DOK5: variants seen among roughly 807,000 people sequenced by gnomAD.
DOK5 encodes downstream of tyrosine kinase 5.
A neutral mutation model predicts 43.3 loss-of-function variants in DOK5; 27 were observed. That is an observed-to-expected ratio of 0.62 (90% CI 0.46 to 0.86). DOK5 has a LOEUF of 0.86. Among genes scored for constraint, DOK5 ranks in the 40% least tolerant of loss-of-function variants. DOK5 has a pLI of 0.00. For missense variants in DOK5, 373 were observed against 392.9 expected (o/e 0.95, Z 0.43); for synonymous variants, 146 against 140.1 (o/e 1.04, Z -0.30).
chr20:54,496,440 T>C (rs183028131), intron 1 of DOK5, among the ~76,000 whole-genome samples: 34 of 152,246 alleles, frequency 2.2e-4, no homozygotes, highest in South Asian at 6.2e-4. Flanking sequence ...GCATATTGGA[T>C]GAATAACATC....
intron 2 of DOK5, among the ~76,000 whole-genome samples, chr20:54,564,857 A>T (rs757986495): frequency 8.5e-5 from 13 of 152,178 alleles, no homozygotes; most frequent in Non-Finnish European, 5.9e-5. Context: ...CATTGCCAAT[A>T]CCCTGGTCTC....
At chr20:54,512,728 G>T (rs1430347042) in intron 1 of DOK5, among the ~76,000 whole-genome samples, 2 of 152,170 alleles carry the variant, frequency 1.3e-5, no homozygotes, top group Admixed American at 1.3e-4. Flanking sequence ...CATTTCAATG[G>T]TGTATATTAG....
chr20:54,543,742 C>T (rs1325018834), intron 1 of DOK5, among the ~76,000 whole-genome samples: 3 of 152,092 alleles, frequency 2.0e-5, no homozygotes, highest in Admixed American at 6.6e-5. Context: ...AAAGCAGGGG[C>T]AACCTCCTTT....
At position 54,576,375 on chromosome 20, in the gene DOK5, C is replaced by G. The variant is rs143694630; in HGVS notation, c.175-12108C>G. ...TATATCTTCAACTGCAAAGATGAAT[C>G]TCACAGACATGATATTGGACGAATG... is the stretch of plus-strand genomic sequence containing the variant. On this transcript the variant is annotated intron_variant, in intron 2 of 7. Coordinates refer to ENST00000262593, the MANE Select transcript of DOK5 (RefSeq NM_018431.5). Among the ~76,000 whole-genome samples the G allele has an allele frequency of 9.1e-3, 1,392 of 152,236 alleles. 14 individuals are homozygous for G. Among genetic ancestry groups the G allele is most frequent in the Middle Eastern group, 0.048 (14 of 294 alleles).
intron 1 of DOK5, among the ~76,000 whole-genome samples, chr20:54,480,944 T>TATCTATCATCTATCATCTATCTATC (rs1336636884): frequency 0.017 from 2,448 of 140,818 alleles, 185 homozygotes; most frequent in Middle Eastern, 0.025. Flanking sequence ...ATCATCTATC[T>TATCTATCATCTATCATCTATCTATC]ATCTATCATC....
At chr20:54,531,365 T>C (rs1983765581) in intron 1 of DOK5, among the ~76,000 whole-genome samples, 1 of 152,202 alleles carries the variant, frequency 6.6e-6, no homozygotes. Flanking sequence ...AGGGAAGTCT[T>C]TCAATTTTGA....
Position 54,645,925 on chromosome 20 carries a change from C to CAAAAAAAAAAAAAAAAAAA in DOK5, c.856+2360_856+2378dup, listed in dbSNP as rs550943378. Among the ~76,000 whole-genome samples, 24 of 85,876 alleles carry CAAAAAAAAAAAAAAAAAAA rather than the reference C, an allele frequency of 2.8e-4. 3 individuals are homozygous for CAAAAAAAAAAAAAAAAAAA. The highest frequency in any genetic ancestry group is 6.9e-4 in the African/African-American group (16 of 23,148). The allele number at this position is 85,876 out of a possible 152,430, so 56.3% of individuals were successfully genotyped here. ...AGAGCATGGCACATAGCAGATGCTGCAAAAAAAAAAAAAAAAAAAAAAAAA... is the reference window on the plus strand; with the variant it reads ...AGAGCATGGCACATAGCAGATGCTGCAAAAAAAAAAAAAAAAAAAAAAAAAAAAAAAAAAAAAAAAAAAA... On this transcript the variant is annotated intron_variant, in intron 7 of 7. Transcript: ENST00000262593.
chr20:54,480,919 A>ATC (rs1393766157), intron 1 of DOK5, among the ~76,000 whole-genome samples: 1 of 142,596 alleles, frequency 7.0e-6, no homozygotes, highest in African/African-American at 2.9e-5. Context: ...CTATCTATCT[A>ATC]TCTATCAATC....
chr20:54,605,850 C>G (rs6023408), intron 5 of DOK5, among the ~76,000 whole-genome samples: 5,688 of 152,324 alleles, frequency 0.037, 274 homozygotes, highest in African/African-American at 0.11. Flanking sequence ...TGGAAGCTCT[C>G]TTTACTTCAA....
chr20:54,625,840 T>C (rs537320776), intron 6 of DOK5, among the ~76,000 whole-genome samples: 2 of 152,340 alleles, frequency 1.3e-5, no homozygotes, highest in East Asian at 3.9e-4. Flanking sequence ...AATGATTCAT[T>C]CATTTCTTCA....
intron 2 of DOK5, among the ~76,000 whole-genome samples, chr20:54,573,708 A>G (rs1380409536): frequency 1.3e-5 from 2 of 151,248 alleles, no homozygotes; most frequent in Non-Finnish European, 2.9e-5. Flanking sequence ...AAAAAAAAAA[A>G]AGGATAATAA....
chr20:54,649,558 A>C (rs1162527229), intron 7 of DOK5, among the ~76,000 whole-genome samples: 2 of 146,420 alleles, frequency 1.4e-5, no homozygotes, highest in African/African-American at 4.9e-5. Flanking sequence ...TTTGTTCCAA[A>C]GGCTTTGCGG....
intron 1 of DOK5, among the ~76,000 whole-genome samples, chr20:54,525,949 T>C (rs527879523): frequency 3.3e-5 from 5 of 152,274 alleles, no homozygotes; most frequent in African/African-American, 1.2e-4. Flanking sequence ...ACTTTTTGTT[T>C]TAAATTTGTG....
intron 2 of DOK5, among the ~76,000 whole-genome samples, chr20:54,569,868 T>C (rs1250578049): frequency 2.0e-5 from 3 of 152,194 alleles, no homozygotes; most frequent in African/African-American, 7.2e-5. Context: ...CTAGGGCATG[T>C]AGATATTTTT....
intron 5 of DOK5, among the ~76,000 whole-genome samples, chr20:54,596,800 T>A (rs1986155362): frequency 6.6e-6 from 1 of 152,002 alleles, no homozygotes; most frequent in Non-Finnish European, 1.5e-5. Context: ...GTCTGAGGAG[T>A]AAAGATGGCT....
chr20:54,512,909 C>A (rs16999731), intron 1 of DOK5, among the ~76,000 whole-genome samples: 4,670 of 152,220 alleles, frequency 0.031, 166 homozygotes, highest in East Asian at 0.095. Flanking sequence ...GTTGCGTCAA[C>A]TCTTATTTCC....
intron 7 of DOK5, among the ~76,000 whole-genome samples, chr20:54,645,482 G>A (rs1203071120): frequency 1.3e-5 from 2 of 151,778 alleles, no homozygotes; most frequent in Non-Finnish European, 2.9e-5. Flanking sequence ...CTCAGTCTTT[G>A]CTGTTGGTCC....
At chr20:54,513,807 A>G (rs1983099045) in intron 1 of DOK5, among the ~76,000 whole-genome samples, 1 of 152,224 alleles carries the variant, frequency 6.6e-6, no homozygotes, top group Non-Finnish European at 1.5e-5. Flanking sequence ...ATTTTGAATA[A>G]ATGAATAAAT....
chr20:54,610,383 C>A lies in DOK5; in HGVS notation c.600-5C>A. 6.6e-7 allele frequency: 1 copy of A among 1,508,608 alleles called. No individual in the cohort carries two copies. The allele number at this position is 1,508,608 out of a possible 1,614,324, so 93.5% of individuals were successfully genotyped here. A position where few individuals can be genotyped will look rare whatever the true frequency, so the allele number is the denominator to read the frequency against. On this transcript the variant is annotated splice_region_variant and splice_polypyrimidine_tract_variant and intron_variant, in intron 5 of 7. Coordinates refer to ENST00000262593, the MANE Select transcript of DOK5 (RefSeq NM_018431.5). ...TCAGAAGCTGTTTTGTTTTTGTTTT[C>A]ACAGGATGTGTGAGACTGGTGAAGG... is the stretch of plus-strand genomic sequence containing the variant.
Sources: allele counts gnomAD v4.1 joint callset (sites outside exome capture counted in the v4.1 genomes callset), GRCh38; gene constraint gnomAD v4.1.1; transcripts MANE v1.5; gene names NCBI Gene and HGNC (gene_info 2026-07-23, HGNC 2026-07-21).